Variants in NFIA observed in about 807,000 individuals in gnomAD.
NFIA encodes the protein nuclear factor I A.
In NFIA, 8 loss-of-function variants were observed where a neutral mutation model predicts 62.8. The observed-to-expected ratio is 0.13, with a 90% confidence interval of 0.07 to 0.23. NFIA has a LOEUF of 0.23. Ranked by LOEUF, NFIA falls within the 10% of genes least tolerant of loss-of-function variation. The pLI is 1.00. For synonymous variants in NFIA, 235 were observed against 238.1 expected, an observed-to-expected ratio of 0.99 and a Z score of 0.12; for missense variants, 410 against 642.1, an observed-to-expected ratio of 0.64 and a Z score of 3.91.
At chr1:61,306,108 C>T (rs1460922081) in intron 3 of NFIA, among the ~76,000 whole-genome samples, 2 of 151,776 alleles carry the variant, frequency 1.3e-5, no homozygotes, top group African/African-American at 4.8e-5. Flanking sequence ...CCTTGGCCTC[C>T]CAAAGTGCTG....
At chr1:61,344,374 A>C (rs532935029) in intron 4 of NFIA, among the ~76,000 whole-genome samples, 2 of 152,220 alleles carry the variant, frequency 1.3e-5, no homozygotes, top group African/African-American at 4.8e-5. Context: ...CTGTGCTGCT[A>C]TTGGACTTTT....
At chr1:61,100,010 T>C (rs1213021446) in intron 2 of NFIA, among the ~76,000 whole-genome samples, 1 of 152,196 alleles carries the variant, frequency 6.6e-6, no homozygotes, top group African/African-American at 2.4e-5. Flanking sequence ...ATCCCCAGTA[T>C]GTTAGACTTG....
intron 2 of NFIA, among the ~76,000 whole-genome samples, chr1:61,227,061 C>G (rs988679237): frequency 2.0e-5 from 3 of 152,162 alleles, no homozygotes; most frequent in Non-Finnish European, 4.4e-5. Context: ...TTTAAAGCAC[C>G]ATTCACTGGT....
intron 2 of NFIA, among the ~76,000 whole-genome samples, chr1:61,248,649 A>T (rs1655807502): frequency 6.6e-6 from 1 of 152,226 alleles, no homozygotes; most frequent in Admixed American, 6.5e-5. Flanking sequence ...TTTGTGAAAG[A>T]TGCCCCTTAC....
intron 10 of NFIA, among the ~76,000 whole-genome samples, chr1:61,433,163 G>A (rs998473900): frequency 1.3e-5 from 2 of 152,178 alleles, no homozygotes; most frequent in African/African-American, 4.8e-5. Context: ...TAGTCCCAGT[G>A]CTCCCTGGCT....
At chr1:61,162,457 C>T (rs1471417135) in intron 2 of NFIA, among the ~76,000 whole-genome samples, 3 of 152,186 alleles carry the variant, frequency 2.0e-5, no homozygotes, top group Admixed American at 6.5e-5. Flanking sequence ...CCAAAAGCCA[C>T]ATGCTTACCT....
intron 2 of NFIA, among the ~76,000 whole-genome samples, chr1:61,150,242 A>G (rs377364553): frequency 3.9e-5 from 6 of 152,176 alleles, no homozygotes; most frequent in Admixed American, 2.0e-4. Context: ...CTTTAGATCA[A>G]TGTGTCGCAT....
chr1:61,209,044 T>C (rs1472108315), intron 2 of NFIA, among the ~76,000 whole-genome samples: 2 of 152,062 alleles, frequency 1.3e-5, no homozygotes, highest in Non-Finnish European at 2.9e-5. Context: ...CCTGCTGTAC[T>C]GGAGTAGCCC....
At chr1:61,298,454 A>G (rs553353200) in intron 3 of NFIA, among the ~76,000 whole-genome samples, 4 of 152,196 alleles carry the variant, frequency 2.6e-5, no homozygotes, top group East Asian at 3.8e-4. Context: ...TCCTTGCAGC[A>G]TAAGACAAAG....
In NFIA at chr1:61,406,733, T is replaced by C. The variant is rs1398371062; in HGVS notation, c.1420+6T>C. On this transcript the variant is annotated splice_donor_region_variant and intron_variant, in intron 9 of 10. Coordinates refer to ENST00000403491, the MANE Select transcript of NFIA (RefSeq NM_001134673.4). ...AGCCTCCCCCACGTCACCAAGTAAG[T>C]ATGGCTGCGACAAGGCGCCGGTCAC... 3 of 1,600,870 alleles carry C rather than the reference T, an allele frequency of 1.9e-6. No individual in the cohort carries two copies. In the South Asian group the frequency reaches 3.4e-5, roughly 18 times the overall value.
intron 10 of NFIA, among the ~76,000 whole-genome samples, chr1:61,429,701 T>C (rs936358748): frequency 1.3e-5 from 2 of 152,348 alleles, no homozygotes; most frequent in South Asian, 4.1e-4. Flanking sequence ...TTAAACAAAA[T>C]GTGGTCTATA....
Position 61,143,302 on chromosome 1 carries a change from G to A in NFIA, c.559+54622G>A, listed in dbSNP as rs147558836. Among the ~76,000 whole-genome samples, 993 of 152,284 alleles carry A rather than the reference G, an allele frequency of 6.5e-3. 9 individuals are homozygous for A. The highest frequency in any genetic ancestry group is 0.022 in the African/African-American group (930 of 41,560). ...GATTTCTCTGATGACCTTGACAAAC[G>A]TATGTTTGTGATTAAGTTAATCATA... is the stretch of plus-strand genomic sequence containing the variant. On this transcript the variant is annotated intron_variant, in intron 2 of 10. Transcript: ENST00000403491.
chr1:61,419,571 C>T (rs1666510458), intron 9 of NFIA, among the ~76,000 whole-genome samples: 1 of 152,160 alleles, frequency 6.6e-6, no homozygotes. Flanking sequence ...TCTGTGTGCA[C>T]ATTATAACAT....
At chr1:61,113,326 A>G (rs958137993) in intron 2 of NFIA, among the ~76,000 whole-genome samples, 2 of 151,754 alleles carry the variant, frequency 1.3e-5, no homozygotes, top group Non-Finnish European at 2.9e-5. Flanking sequence ...GGTGCAGGGG[A>G]TCACACCTGG....
At chr1:61,321,704 A>G (rs1481261392) in intron 3 of NFIA, among the ~76,000 whole-genome samples, 1 of 152,076 alleles carries the variant, frequency 6.6e-6, no homozygotes, top group African/African-American at 2.4e-5. Flanking sequence ...TTACTCCACT[A>G]CTAGATGAAC....
chr1:61,158,718 G>A (rs142354075), intron 2 of NFIA, among the ~76,000 whole-genome samples: 322 of 152,288 alleles, frequency 2.1e-3, no homozygotes, highest in Middle Eastern at 3.4e-3. Flanking sequence ...ACTTTATGTC[G>A]CGAGAGGGGT....
chr1:61,312,655 A>G (rs1040327131), intron 3 of NFIA, among the ~76,000 whole-genome samples: 2 of 152,048 alleles, frequency 1.3e-5, no homozygotes, highest in Admixed American at 6.6e-5. Flanking sequence ...GCATGCCACC[A>G]TGCCTAGCTA....
intron 6 of NFIA, among the ~76,000 whole-genome samples, chr1:61,376,139 T>C (rs142126314): frequency 3.6e-3 from 548 of 152,302 alleles, no homozygotes; most frequent in Non-Finnish European, 6.3e-3. Flanking sequence ...GTTGCCTGTT[T>C]AGATGCTGAC....
At chr1:61,413,615 C>CTTTTTTT (rs869258274) in intron 9 of NFIA, among the ~76,000 whole-genome samples, 11 of 68,388 alleles carry the variant, frequency 1.6e-4, no homozygotes, top group Non-Finnish European at 2.3e-4. Context: ...AAGTATTTTG[C>CTTTTTTT]TTTTTTTTTT....
Sources: gnomAD v4.1 joint callset for allele counts (sites outside exome capture counted in the v4.1 genomes callset) on GRCh38, gnomAD v4.1.1 for gene constraint, MANE v1.5 for transcripts, NCBI Gene and HGNC (gene_info 2026-07-23, HGNC 2026-07-21) for gene names.